Variants in GRK1 observed in about 807,000 individuals in gnomAD.
GRK1 encodes G protein-coupled receptor kinase 1.
In GRK1, 28 loss-of-function variants were observed where a neutral mutation model predicts 41.7. That is an observed-to-expected ratio of 0.67 (90% confidence interval 0.50 to 0.92). The LOEUF (loss-of-function observed/expected upper bound fraction) is 0.92. Among genes scored for constraint, GRK1 ranks in the 40% least tolerant of loss-of-function variants. GRK1 has a pLI of 0.00. For missense variants in GRK1, 703 were observed against 671.2 expected (o/e 1.05, Z -0.52); for synonymous variants, 327 against 286.7 (o/e 1.14, Z -1.42).
rs568503729 is a variant in GRK1 at position 113,670,115 on chromosome 13, G to A, written c.827+301G>A. On this transcript the variant is annotated intron_variant, in intron 2 of 6. Coordinates refer to ENST00000335678, the MANE Select transcript of GRK1 (RefSeq NM_002929.3). ...GTGGGGGACGTGTGATGCAGTCGGC[G>A]GGGCCTCTGCAGGGCTGAGGGCCTT... Among the ~76,000 whole-genome samples the A allele has an allele frequency of 3.3e-5, 5 of 152,304 alleles. No individual in the cohort carries two copies. The East Asian group carries it at 9.7e-4, about 29-fold the overall frequency.
the GRK1 span, among the ~76,000 whole-genome samples, chr13:113,656,791 G>A: frequency 6.6e-6 from 1 of 152,118 alleles, no homozygotes; most frequent in Non-Finnish European, 1.5e-5. Context: ...ATTCCAGAAG[G>A]TTCTCTGTGG....
At chr13:113,669,436 G>A (rs1392593457) in intron 1 of GRK1, among the ~76,000 whole-genome samples, 2 of 152,238 alleles carry the variant, frequency 1.3e-5, no homozygotes, top group Non-Finnish European at 2.9e-5. Context: ...GCCTCCCCTT[G>A]CCAGAGGCTG....
the GRK1 span, chr13:113,658,265 A>C: frequency 6.2e-6 from 6 of 971,434 alleles, no homozygotes; most frequent in Non-Finnish European, 9.0e-6. Flanking sequence ...TCGCAGGCGA[A>C]GGATCCCAGG....
At chr13:113,649,615 ACAGT>A in the GRK1 span, 1 of 1,420,202 alleles carries the variant, frequency 7.0e-7, no homozygotes, top group East Asian at 2.6e-5. This position sits in a 1 kb window ranked among gnomAD's most constrained non-coding sequence, Gnocchi z 4.7. Flanking sequence ...GGAAGTGTCA[ACAGT>A]CAGGTTGGTG....
the GRK1 span, among the ~76,000 whole-genome samples, chr13:113,649,884 T>A: frequency 2.0e-5 from 3 of 152,170 alleles, no homozygotes; most frequent in African/African-American, 7.2e-5. The surrounding 1 kb of genome is among the most constrained non-coding windows in gnomAD (Gnocchi z 4.7). Context: ...AAAATTAGGC[T>A]GGGCGCAGTG....
At chr13:113,658,002 T>A in the GRK1 span, 1 of 1,550,286 alleles carries the variant, frequency 6.5e-7, no homozygotes, top group African/African-American at 1.4e-5. Flanking sequence ...GCCCCCTCCA[T>A]GCACCCAGCC....
At chr13:113,723,227 T>G in intron 4 of GRK1, 70 bp downstream of exon 4, 1 of 648,238 alleles carries the variant, frequency 1.5e-6, no homozygotes, top group South Asian at 1.6e-5. Context: ...TGTGTGCCTG[T>G]GTGCACTTGC....
the GRK1 span, chr13:113,649,165 A>G: frequency 2.2e-6 from 1 of 464,980 alleles, no homozygotes; most frequent in Non-Finnish European, 3.7e-6. This position sits in a 1 kb window ranked among gnomAD's most constrained non-coding sequence, Gnocchi z 4.7. Context: ...CCATCTAAAA[A>G]CTGTAAGAAT....
rs1043954726 is a variant in GRK1, at chr13:113,671,750, C to G, written c.985+94C>G. 1.4e-6 allele frequency: 1 copy of G among 689,798 alleles called. No homozygotes were observed. Among genetic ancestry groups the G allele is most frequent in the African/African-American group, 1.8e-5 (1 of 56,826 alleles). 42.7% of individuals were successfully genotyped at this position (689,798 alleles called of 1,614,324 possible). A position where few individuals can be genotyped will look rare whatever the true frequency, so the allele number is the denominator to read the frequency against. The stretch of plus-strand genomic sequence containing the variant: ...CTCTGCACAACCTCACGAGGGCTGA[C>G]GGCTGTGTGGACGGTGGGGGTTCAT... On this transcript the variant is annotated intron_variant, in intron 3 of 6. Coordinates refer to ENST00000335678, the MANE Select transcript of GRK1 (RefSeq NM_002929.3). This position sits in a 1 kb window ranked among gnomAD's most constrained non-coding sequence, Gnocchi z 4.1.
chr13:113,731,620 C>T lies in GRK1; in HGVS notation c.1194+277C>T, dbSNP rs1258686428. Among the ~76,000 whole-genome samples, 1 of 152,216 alleles carries T rather than the reference C, an allele frequency of 6.6e-6. No individual in the cohort carries two copies. Among genetic ancestry groups the T allele is most frequent in the African/African-American group, 2.4e-5 (1 of 41,450 alleles). Reference sequence around the variant, plus strand: ...AGAGCAAGCAGACCCTCCCACCAGACAGCACGCCACCACTCAGCCTCTGAG... The same window carrying T: ...AGAGCAAGCAGACCCTCCCACCAGATAGCACGCCACCACTCAGCCTCTGAG... On this transcript the variant is annotated intron_variant, in intron 5 of 6. Coordinates refer to ENST00000335678, the MANE Select transcript of GRK1 (RefSeq NM_002929.3). The surrounding 1 kb of genome is among the most constrained non-coding windows in gnomAD (Gnocchi z 5.6).
the GRK1 span, chr13:113,654,717 T>C: frequency 6.7e-7 from 1 of 1,489,306 alleles, no homozygotes. Context: ...TGGGCTTCAT[T>C]TCTGGGGAGG....
upstream of GRK1, among the ~76,000 whole-genome samples, chr13:113,663,194 T>C (rs2049800133): frequency 6.6e-6 from 1 of 152,188 alleles, no homozygotes; most frequent in African/African-American, 2.4e-5. Context: ...CCACACAATA[T>C]GTGCAACTGA....
At chr13:113,660,668 C>A in the GRK1 span, among the ~76,000 whole-genome samples, 1 of 152,128 alleles carries the variant, frequency 6.6e-6, no homozygotes, top group Non-Finnish European at 1.5e-5. Context: ...AGTTCCAGAC[C>A]AGCCTGGGCA....
In GRK1 at chr13:113,731,574, T is replaced by C. The variant is rs555483884; in HGVS notation, c.1194+231T>C. On this transcript the variant is annotated intron_variant, in intron 5 of 6. Coordinates refer to ENST00000335678, the MANE Select transcript of GRK1 (RefSeq NM_002929.3). The surrounding 1 kb of genome is among the most constrained non-coding windows in gnomAD (Gnocchi z 5.6). ...GCCTGCAGGTGGAGGGGCTGAGGGA[T>C]TCCCAGTCACCCTGTGCCCCAGAGC... 4.8e-4 allele frequency among the ~76,000 whole-genome samples: 73 copies of C among 152,080 alleles called. No individual in the cohort carries two copies. Among genetic ancestry groups the C allele is most frequent in the Non-Finnish European group, 9.6e-4 (65 of 67,944 alleles).
At chr13:113,654,784 C>T in the GRK1 span, 18 of 1,607,074 alleles carry the variant, frequency 1.1e-5, no homozygotes, top group East Asian at 2.2e-5. Context: ...GCCTGTCACA[C>T]GGCATGGGGG....
intron 6 of GRK1, among the ~76,000 whole-genome samples, chr13:113,734,003 C>A (rs1259178761): frequency 8.8e-6 from 1 of 113,080 alleles, no homozygotes; most frequent in African/African-American, 4.7e-5. Context: ...CATGTGTGTG[C>A]GTGTGCGTGC....
chr13:113,735,210 C>T lies in GRK1; in HGVS notation c.1539C>T (p.Asn513=), dbSNP rs1383029785. Residue 513 remains asparagine, a synonymous_variant, in exon 7 of 7, where the codon AAC becomes AAT. Coordinates refer to ENST00000335678, the MANE Select transcript of GRK1 (RefSeq NM_002929.3). The stretch of plus-strand genomic sequence containing the variant: ...TCTTTCAGGAATTTGCCACTGGCAA[C>T]TGCCCCATCCCCTGGCAGGAGGAGA... The part of the protein sequence containing the change: ...TEFFQEFATG[N]CPIPWQEEMI... 4 of 1,537,222 alleles carry T rather than the reference C, an allele frequency of 2.6e-6. No individual in the cohort carries two copies. The highest frequency in any genetic ancestry group is 2.4e-5 in the East Asian group (1 of 40,922).
chr13:113,669,602 C>T (rs1210180230), intron 1 of GRK1, 85 bp from the exon 2 acceptor site: 12 of 1,543,634 alleles, frequency 7.8e-6, no homozygotes, highest in South Asian at 5.6e-5. Context: ...GTGCAGTGGG[C>T]GTGGCCGGGT....
In GRK1 at chr13:113,733,778, C is replaced by CGTCTGTGCAT. The variant is rs1350612484; in HGVS notation, c.1396+695_1396+696insCTGTGCATGT. On this transcript the variant is annotated intron_variant, in intron 6 of 6. Transcript: ENST00000335678. ...GTGTGCGTGTGTATGTGTGTGCATACGTGTGTGCATGTGTGTATGTGTATC... is the reference window on the plus strand; with the variant it reads ...GTGTGCGTGTGTATGTGTGTGCATACGTCTGTGCATGTGTGTGCATGTGTGTATGTGTATC... 8.5e-3 allele frequency among the ~76,000 whole-genome samples: 757 copies of CGTCTGTGCAT among 89,368 alleles called. 15 individuals carry two copies. Among genetic ancestry groups the CGTCTGTGCAT allele is most frequent in the African/African-American group, 0.032 (682 of 21,500 alleles). The allele number at this position is 89,368 out of a possible 152,430, so 58.6% of individuals were successfully genotyped here.
Sources: gnomAD v4.1 joint callset for allele counts (sites outside exome capture counted in the v4.1 genomes callset) on GRCh38, gnomAD v4.1.1 for gene constraint, Gnocchi (gnomAD v3.1) non-coding constraint, MANE v1.5 for transcripts, NCBI Gene and HGNC (gene_info 2026-07-23, HGNC 2026-07-21) for gene names.